PRKAR2B: variants seen among roughly 807,000 people sequenced by gnomAD.
PRKAR2B encodes protein kinase cAMP-dependent type II regulatory subunit beta, also known as cAMP-dependent protein kinase type II-beta regulatory subunit.
In PRKAR2B, 14 loss-of-function variants were observed where a neutral mutation model predicts 49.9. The observed-to-expected ratio is 0.28, with a 90% confidence interval of 0.19 to 0.44. The LOEUF (loss-of-function observed/expected upper bound fraction) is 0.44. Ranked by LOEUF, PRKAR2B falls within the 20% of genes least tolerant of loss-of-function variation. The pLI is 1.00. For synonymous variants in PRKAR2B, 196 were observed against 197.7 expected, an observed-to-expected ratio of 0.99 and a Z score of 0.07; for missense variants, 393 against 537.9, an observed-to-expected ratio of 0.73 and a Z score of 2.67.
At chr7:107,106,605 C>CT (rs1224380755) in intron 2 of PRKAR2B, among the ~76,000 whole-genome samples, 1 of 152,210 alleles carries the variant, frequency 6.6e-6, no homozygotes, top group Non-Finnish European at 1.5e-5. Context: ...CAGCTACCTC[C>CT]TGCAAGGGAT....
intron 7 of PRKAR2B, 48 bp downstream of exon 7, chr7:107,151,071 G>A: frequency 8.9e-7 from 1 of 1,120,606 alleles, no homozygotes; most frequent in Non-Finnish European, 1.2e-6. Flanking sequence ...AAAAGTTTCT[G>A]TTTTGCTAGG....
chr7:107,090,261 C>T (rs1025879853), intron 2 of PRKAR2B, among the ~76,000 whole-genome samples: 2 of 152,194 alleles, frequency 1.3e-5, no homozygotes, highest in Non-Finnish European at 2.9e-5. Context: ...CTCTGATTCT[C>T]TCTTGCGGCC....
chr7:107,058,285 G>T (rs1793953876), intron 1 of PRKAR2B, among the ~76,000 whole-genome samples: 1 of 152,148 alleles, frequency 6.6e-6, no homozygotes, highest in Admixed American at 6.5e-5. Context: ...GCAGATGCTT[G>T]TAGAAAAACA....
At chr7:107,105,595 A>G (rs1477791028) in intron 2 of PRKAR2B, among the ~76,000 whole-genome samples, 4 of 152,306 alleles carry the variant, frequency 2.6e-5, no homozygotes, top group East Asian at 1.9e-4. Flanking sequence ...ATCAAGGGCT[A>G]TCTGAGGCTC....
chr7:107,128,161 T>G, intron 3 of PRKAR2B, 51 bp from the exon 4 acceptor site: 15 of 1,147,036 alleles, frequency 1.3e-5, no homozygotes, highest in Non-Finnish European at 1.8e-5. Context: ...TCTCTTTGAG[T>G]GAGATGGTAT....
intron 2 of PRKAR2B, among the ~76,000 whole-genome samples, chr7:107,087,790 C>A (rs1794649986): frequency 6.6e-6 from 1 of 152,154 alleles, no homozygotes; most frequent in South Asian, 2.1e-4. Context: ...CTCCAGTTAT[C>A]ACACACTTAG....
chr7:107,158,354 A>G (rs1478091772), intron 10 of PRKAR2B, among the ~76,000 whole-genome samples: 1 of 152,172 alleles, frequency 6.6e-6, no homozygotes, highest in Non-Finnish European at 1.5e-5. Flanking sequence ...AATACAGAAA[A>G]TGTAGAAAAA....
intron 4 of PRKAR2B, among the ~76,000 whole-genome samples, chr7:107,137,622 A>G (rs1007104085): frequency 1.3e-5 from 2 of 152,144 alleles, no homozygotes; most frequent in Admixed American, 6.5e-5. Context: ...AATTTTGACA[A>G]ATGGCTTTTT....
At chr7:107,073,032 G>A (rs1300213332) in intron 2 of PRKAR2B, among the ~76,000 whole-genome samples, 1 of 152,122 alleles carries the variant, frequency 6.6e-6, no homozygotes, top group East Asian at 1.9e-4. Flanking sequence ...GTAGTGCTAT[G>A]TGTTCTATCA....
At chr7:107,130,510 A>T (rs556907092) in intron 4 of PRKAR2B, among the ~76,000 whole-genome samples, 2 of 152,246 alleles carry the variant, frequency 1.3e-5, no homozygotes, top group South Asian at 4.1e-4. Context: ...GTCTCAAAAA[A>T]AATAAAAATA....
At chr7:107,097,870 G>A (rs903181605) in intron 2 of PRKAR2B, among the ~76,000 whole-genome samples, 3 of 152,240 alleles carry the variant, frequency 2.0e-5, no homozygotes, top group Admixed American at 6.5e-5. Flanking sequence ...AGTTTCTGCC[G>A]AGAGATCCAC....
intron 6 of PRKAR2B, among the ~76,000 whole-genome samples, chr7:107,148,448 T>C (rs1179616875): frequency 2.0e-5 from 3 of 152,220 alleles, no homozygotes; most frequent in Non-Finnish European, 4.4e-5. Context: ...ACTACTTAAG[T>C]TCCTAAGATA....
At chr7:107,048,902 C>A (rs942259763) in intron 1 of PRKAR2B, among the ~76,000 whole-genome samples, 1 of 152,160 alleles carries the variant, frequency 6.6e-6, no homozygotes, top group African/African-American at 2.4e-5. Flanking sequence ...GTGACCCTTT[C>A]TAGGGAAACT....
At chr7:107,114,193 G>A (rs981540570) in intron 2 of PRKAR2B, among the ~76,000 whole-genome samples, 5 of 152,086 alleles carry the variant, frequency 3.3e-5, no homozygotes, top group African/African-American at 1.2e-4. Flanking sequence ...GAACCCAAGA[G>A]TAGAATAAAA....
chr7:107,058,024 T>C (rs1408484249), intron 1 of PRKAR2B, among the ~76,000 whole-genome samples: 2 of 151,692 alleles, frequency 1.3e-5, no homozygotes, highest in Non-Finnish European at 2.9e-5. Context: ...TTTAATTCCA[T>C]TTGAAATTTG....
chr7:107,089,046 G>A (rs1322002109), intron 2 of PRKAR2B, among the ~76,000 whole-genome samples: 2 of 151,712 alleles, frequency 1.3e-5, no homozygotes, highest in Admixed American at 6.6e-5. Context: ...GCCTGTGCCT[G>A]TAATCTCTGC....
At chr7:107,088,981 C>T (rs1027558206) in intron 2 of PRKAR2B, among the ~76,000 whole-genome samples, 6 of 150,718 alleles carry the variant, frequency 4.0e-5, no homozygotes, top group Non-Finnish European at 8.9e-5. Context: ...CTAGCCTGGG[C>T]AACATGGTAA....
intron 3 of PRKAR2B, among the ~76,000 whole-genome samples, chr7:107,125,218 T>A (rs758738914): frequency 7.2e-5 from 11 of 152,202 alleles, no homozygotes; most frequent in Admixed American, 5.2e-4. Context: ...CTGGCTGGCA[T>A]GAATTCTGGC....
intron 3 of PRKAR2B, 134 bp downstream of exon 3, chr7:107,122,138 C>G: frequency 7.9e-6 from 4 of 503,818 alleles, no homozygotes; most frequent in Non-Finnish European, 1.4e-5. Context: ...TGTTTCTTTT[C>G]CTAGTCTCAT....
Sources: gnomAD v4.1 joint callset for allele counts (sites outside exome capture counted in the v4.1 genomes callset) on GRCh38, gnomAD v4.1.1 for gene constraint, MANE v1.5 for transcripts, NCBI Gene and HGNC (gene_info 2026-07-23, HGNC 2026-07-21) for gene names.